Variants in NCALD observed in about 807,000 individuals in gnomAD.
NCALD encodes the protein neurocalcin delta, also known as neurocalcin-delta.
NCALD carries 10 observed loss-of-function variants against 18.6 expected under a neutral mutation model. The ratio of observed to expected loss-of-function variants is 0.54; its 90% CI spans 0.33 to 0.91. NCALD has a LOEUF of 0.91. Ranked by LOEUF, NCALD falls within the 40% of genes least tolerant of loss-of-function variation. The probability of loss-of-function intolerance (pLI) is 0.03; values close to 1 mark genes in which losing one functional copy is unlikely to be tolerated. For missense variants in NCALD, 184 were observed against 247.6 expected (o/e 0.74, Z 1.72); for synonymous variants, 88 against 87.4 (o/e 1.01, Z -0.04).
At chr8:101,767,842 C>T (rs1485619481) in intron 1 of NCALD, among the ~76,000 whole-genome samples, 2 of 152,200 alleles carry the variant, frequency 1.3e-5, no homozygotes, top group Non-Finnish European at 2.9e-5. Context: ...TTTCTCTGCC[C>T]TGCTTGTGGC....
chr8:102,055,148 A>G (rs1016281547), intron 1 of NCALD, among the ~76,000 whole-genome samples: 7 of 152,026 alleles, frequency 4.6e-5, no homozygotes, highest in African/African-American at 1.7e-4. Flanking sequence ...GTGGACCAAA[A>G]TGATTGCCAA....
intron 2 of NCALD, among the ~76,000 whole-genome samples, chr8:101,992,276 A>G (rs1182037082): frequency 6.6e-6 from 1 of 152,146 alleles, no homozygotes; most frequent in Non-Finnish European, 1.5e-5. Context: ...CTAATCACAT[A>G]TAGTTGAACT....
chr8:101,794,842 C>A (rs146986180), upstream of NCALD, among the ~76,000 whole-genome samples: 1 of 152,062 alleles, frequency 6.6e-6, no homozygotes, highest in Admixed American at 6.5e-5. Flanking sequence ...ATTTGATATG[C>A]TTTTAGAAAA....
chr8:101,967,706 C>T (rs927215815), intron 2 of NCALD, among the ~76,000 whole-genome samples: 6 of 152,122 alleles, frequency 3.9e-5, no homozygotes, highest in African/African-American at 1.4e-4. Context: ...GGAACCAAGG[C>T]CCCACACTGC....
chr8:101,703,297 C>A (rs370554543), intron 2 of NCALD, among the ~76,000 whole-genome samples: 2 of 152,260 alleles, frequency 1.3e-5, no homozygotes, highest in East Asian at 3.9e-4. Context: ...CTAACACTTA[C>A]TTTATTCAAC....
intron 1 of NCALD, among the ~76,000 whole-genome samples, chr8:102,021,041 T>A (rs1204568583): frequency 6.6e-6 from 1 of 152,224 alleles, no homozygotes; most frequent in Non-Finnish European, 1.5e-5. Flanking sequence ...CACTTGACCA[T>A]CTTAAGCTCA....
chr8:101,733,825 C>T lies in NCALD; in HGVS notation c.-19-14177G>A, dbSNP rs148048050. Among the ~76,000 whole-genome samples, 10 of 152,334 alleles carry T rather than the reference C, an allele frequency of 6.6e-5. No homozygotes were observed. In the South Asian group the frequency reaches 2.1e-3, roughly 32 times the overall value. On this transcript the variant is annotated intron_variant, in intron 1 of 3. Transcript: ENST00000220931. The stretch of plus-strand genomic sequence containing the variant: ...GTGCACCCAGAGTGGACTGCCAGAC[C>T]CCCACTGAGGGTTTTCCTGCATGGA...
chr8:101,910,356 G>A, intron 3 of NCALD, among the ~76,000 whole-genome samples: 1 of 138,710 alleles, frequency 7.2e-6, no homozygotes, highest in Non-Finnish European at 1.5e-5. Context: ...GGTGGCAGGT[G>A]GGCATTGAGT....
At chr8:101,868,131 A>G (rs1815850329) in intron 4 of NCALD, among the ~76,000 whole-genome samples, 1 of 152,080 alleles carries the variant, frequency 6.6e-6, no homozygotes, top group African/African-American at 2.4e-5. Context: ...CAGGCATTCA[A>G]TCATGCTGCT....
chr8:102,062,361 T>C (rs539269783), intron 1 of NCALD, among the ~76,000 whole-genome samples: 3 of 152,084 alleles, frequency 2.0e-5, no homozygotes, highest in Admixed American at 2.0e-4. Flanking sequence ...AAAGGAAAAA[T>C]AAAGCTTTCA....
rs56034254 is a variant in NCALD at position 101,921,950 on chromosome 8, AT to A, written c.-156-6093del. On this transcript the variant is annotated intron_variant, in intron 2 of 6. Coordinates refer to the NCALD transcript ENST00000311028. The stretch of plus-strand genomic sequence containing the variant: ...AAACATGATACAACTTGAAAAGTAC[AT>A]TTTTTTTTTTTTGAGACAGTCTCCC... Among the ~76,000 whole-genome samples the A allele has an allele frequency of 4.5e-3, 661 of 145,740 alleles. 3 individuals carry two copies. Among genetic ancestry groups the A allele is most frequent in the Admixed American group, 5.7e-3 (83 of 14,510 alleles).
At chr8:101,946,123 A>C (rs1819161343) in intron 2 of NCALD, among the ~76,000 whole-genome samples, 1 of 152,204 alleles carries the variant, frequency 6.6e-6, no homozygotes, top group South Asian at 2.1e-4. Context: ...CTCCGTCTTC[A>C]GTTTGCCTTC....
chr8:101,768,480 C>T (rs935065401), intron 1 of NCALD, among the ~76,000 whole-genome samples: 39 of 152,044 alleles, frequency 2.6e-4, no homozygotes, highest in Admixed American at 3.9e-4. Flanking sequence ...AAGTGGTGGC[C>T]GAAGGGCCAC....
chr8:101,794,841 G>A (rs988770027), upstream of NCALD, among the ~76,000 whole-genome samples: 2 of 152,112 alleles, frequency 1.3e-5, no homozygotes, highest in Non-Finnish European at 2.9e-5. Context: ...CATTTGATAT[G>A]CTTTTAGAAA....
At chr8:102,031,199 T>A (rs1380314639) in intron 1 of NCALD, among the ~76,000 whole-genome samples, 1 of 152,162 alleles carries the variant, frequency 6.6e-6, no homozygotes, top group African/African-American at 2.4e-5. Context: ...ACCGTAAGAT[T>A]GCAATCAGCA....
At chr8:101,865,419 A>C (rs1342933716) in intron 4 of NCALD, among the ~76,000 whole-genome samples, 2 of 152,122 alleles carry the variant, frequency 1.3e-5, no homozygotes, top group Admixed American at 1.3e-4. Context: ...TGTTTTCTCT[A>C]ATCAGTCCTT....
intron 1 of NCALD, among the ~76,000 whole-genome samples, chr8:102,040,356 C>T (rs1047528319): frequency 2.6e-5 from 4 of 152,120 alleles, no homozygotes; most frequent in Non-Finnish European, 4.4e-5. Context: ...TGCCTGTAAT[C>T]CCAGCTACTT....
intron 1 of NCALD, among the ~76,000 whole-genome samples, chr8:102,023,777 A>G (rs1214054548): frequency 2.0e-5 from 3 of 152,216 alleles, no homozygotes; most frequent in East Asian, 1.9e-4. Context: ...CCAGGGCTCT[A>G]GTCTGACAAA....
At chr8:101,747,772 C>T (rs1356764374) in intron 1 of NCALD, among the ~76,000 whole-genome samples, 1 of 150,518 alleles carries the variant, frequency 6.6e-6, no homozygotes, top group East Asian at 2.0e-4. Context: ...GGCTGGAGTG[C>T]AATGGCACGA....
Sources: allele counts gnomAD v4.1 joint callset (sites outside exome capture counted in the v4.1 genomes callset), GRCh38; gene constraint gnomAD v4.1.1; transcripts MANE v1.5; gene names NCBI Gene and HGNC (gene_info 2026-07-23, HGNC 2026-07-21).